ANKFY1: variants seen among roughly 807,000 people sequenced by gnomAD.
ANKFY1 encodes the protein ankyrin repeat and FYVE domain containing 1.
In ANKFY1, 47 loss-of-function variants were observed where a neutral mutation model predicts 128.3. That is an observed-to-expected ratio of 0.37 (90% CI 0.29 to 0.47). ANKFY1 has a LOEUF of 0.47. Among genes scored for constraint, ANKFY1 ranks in the 20% least tolerant of loss-of-function variants. The pLI, the probability that ANKFY1 is intolerant of heterozygous loss-of-function variation, is 1.00. For missense variants in ANKFY1, 1,222 were observed against 1,510.6 expected (o/e 0.81, Z 3.17); for synonymous variants, 553 against 601.6 (o/e 0.92, Z 1.18).
chr17:4,173,426 A>G lies in ANKFY1; in HGVS notation c.2942T>C (p.Met981Thr), dbSNP rs539967204. 7 of 1,614,190 alleles carry G rather than the reference A, an allele frequency of 4.3e-6. No individual in the cohort carries two copies. The South Asian group carries it at 6.6e-5, about 15-fold the overall frequency. ...NGNNALHLAVMHGRLNNIRVL... is the reference protein window; with the variant it reads ...NGNNALHLAVTHGRLNNIRVL... ...CCGGATGTTGTTGAGCCGGCCGTGC[A>G]TGACAGCAAGATGAAGAGCTGGGAA... The change falls in exon 21 of 25, where the codon ATG becomes ACG. Residue 981 changes from methionine to threonine, a missense_variant. Coordinates refer to ENST00000341657, the MANE Select transcript of ANKFY1 (RefSeq NM_001330063.2).
intron 3 of ANKFY1, among the ~76,000 whole-genome samples, chr17:4,221,603 C>A (rs918838083): frequency 6.6e-6 from 1 of 152,094 alleles, no homozygotes; most frequent in Non-Finnish European, 1.5e-5. Context: ...TAATTAAATT[C>A]TCTGAGTTTC....
chr17:4,172,652 G>C lies in ANKFY1; in HGVS notation c.3043C>G (p.Gln1015Glu). The C allele has an allele frequency of 6.2e-7, 1 of 1,614,090 alleles. No homozygotes were observed. The highest frequency in any genetic ancestry group is 8.5e-7 in the Non-Finnish European group (1 of 1,179,994). The change falls in exon 22 of 25, where the codon CAA becomes GAA. Residue 1015 changes from glutamine to glutamate, a missense_variant. Gln to Glu is a conservative substitution (Grantham distance 29). Transcript: ENST00000341657. ...GCCGCTGCATTCTCCTTGCCATATT[G>C]TCCCAAAATGTGCAGTGGTGACTGG... The part of the protein sequence containing the change: ...RGQSPLHILG[Q>E]YGKENAAAIF...
intron 1 of ANKFY1, among the ~76,000 whole-genome samples, chr17:4,254,303 CAAAAAAAAAAAAAA>C (rs572606909): frequency 9.8e-5 from 8 of 81,906 alleles, no homozygotes; most frequent in African/African-American, 3.3e-4. Context: ...GACTCCATCT[CAAAAAAAAAAAAAA>C]AAAAAAAAAA....
chr17:4,233,596 T>C (rs1439579203), intron 3 of ANKFY1, among the ~76,000 whole-genome samples: 1 of 152,232 alleles, frequency 6.6e-6, no homozygotes. Flanking sequence ...AACACTGATA[T>C]ATGTTCCCCT....
chr17:4,214,071 C>T (rs1810277228), intron 4 of ANKFY1, among the ~76,000 whole-genome samples: 1 of 152,240 alleles, frequency 6.6e-6, no homozygotes, highest in Non-Finnish European at 1.5e-5. Context: ...GCCTTCCTAA[C>T]ATCCTAACAC....
intron 1 of ANKFY1, among the ~76,000 whole-genome samples, chr17:4,243,931 A>C (rs910493331): frequency 7.4e-6 from 1 of 134,512 alleles, no homozygotes; most frequent in African/African-American, 2.7e-5. Flanking sequence ...AAAGATAAAC[A>C]ATTTTTTTTT....
chr17:4,169,886 T>C lies in ANKFY1; in HGVS notation c.3287-598A>G, dbSNP rs1049523431. Among the ~76,000 whole-genome samples the C allele has an allele frequency of 3.3e-5, 5 of 152,242 alleles. No individual in the cohort carries two copies. The highest frequency in any genetic ancestry group is 7.2e-5 in the African/African-American group (3 of 41,456). ...GGATTTACTGGCTGAACTCTCACTC[T>C]ATCCCAGGCACTGTCTGACTGCTCT... is the stretch of plus-strand genomic sequence containing the variant. On this transcript the variant is annotated intron_variant, in intron 23 of 24. Coordinates refer to ENST00000341657, the MANE Select transcript of ANKFY1 (RefSeq NM_001330063.2). The surrounding 1 kb of genome is among the most constrained non-coding windows in gnomAD (Gnocchi z 5.0).
chr17:4,238,757 C>T (rs1442772034), intron 2 of ANKFY1, among the ~76,000 whole-genome samples: 1 of 151,860 alleles, frequency 6.6e-6, no homozygotes, highest in Non-Finnish European at 1.5e-5. Context: ...TGAGCCACCA[C>T]ACCCAGCCTT....
chr17:4,167,775 C>T lies in ANKFY1; in HGVS notation c.*4G>A, dbSNP rs1282173758. 6.2e-7 allele frequency: 1 copy of T among 1,612,164 alleles called. No individual in the cohort carries two copies. The highest frequency in any genetic ancestry group is 8.5e-7 in the Non-Finnish European group (1 of 1,178,854). ...GACGTGGCCTGGACCCTCCGGGGGG[C>T]TCACTAAGAAACCCCACCCAGAGTC... On this transcript the variant is annotated 3_prime_UTR_variant, in exon 25 of 25. Coordinates refer to ENST00000341657, the MANE Select transcript of ANKFY1 (RefSeq NM_001330063.2). This position sits in a 1 kb window ranked among gnomAD's most constrained non-coding sequence, Gnocchi z 4.1.
At chr17:4,184,116 AGC>A (rs1598029256) in intron 12 of ANKFY1, among the ~76,000 whole-genome samples, 2 of 152,330 alleles carry the variant, frequency 1.3e-5, no homozygotes, top group East Asian at 3.9e-4. Flanking sequence ...ATCTTTTTAA[AGC>A]TTAAAACACT....
At chr17:4,211,518 T>C (rs941734808) in intron 4 of ANKFY1, among the ~76,000 whole-genome samples, 1 of 151,680 alleles carries the variant, frequency 6.6e-6, no homozygotes, top group South Asian at 2.1e-4. Flanking sequence ...CTGGCTACAA[T>C]GGATGTCCTC....
chr17:4,246,231 T>C (rs1967533213), intron 1 of ANKFY1, among the ~76,000 whole-genome samples: 1 of 152,174 alleles, frequency 6.6e-6, no homozygotes. Context: ...GTATCTTACT[T>C]CAAAAGATTT....
At chr17:4,241,038 C>G (rs555870133) in intron 2 of ANKFY1, among the ~76,000 whole-genome samples, 1 of 152,268 alleles carries the variant, frequency 6.6e-6, no homozygotes, top group Admixed American at 6.5e-5. Context: ...GCCGCTATAA[C>G]CAGTGAAAAC....
chr17:4,238,694 G>C lies in ANKFY1; in HGVS notation c.204-2804C>G, dbSNP rs190698425. Among the ~76,000 whole-genome samples, 7 of 151,530 alleles carry C rather than the reference G, an allele frequency of 4.6e-5. No individual in the cohort carries two copies. The East Asian group carries it at 1.2e-3, about 25-fold the overall frequency. On this transcript the variant is annotated intron_variant, in intron 2 of 24. Coordinates refer to ENST00000341657, the MANE Select transcript of ANKFY1 (RefSeq NM_001330063.2). ...TCACCGTGTTGGTCAGGCTAGTCTCGAACTCCTGATCCGCCCAACTCAACC... is the reference window on the plus strand; with the variant it reads ...TCACCGTGTTGGTCAGGCTAGTCTCCAACTCCTGATCCGCCCAACTCAACC...
At chr17:4,213,305 T>C (rs754906392) in intron 4 of ANKFY1, among the ~76,000 whole-genome samples, 78 of 151,748 alleles carry the variant, frequency 5.1e-4, no homozygotes, top group Non-Finnish European at 7.9e-4. Context: ...TTCTCCTGCC[T>C]CAGCCTCCAG....
At chr17:4,219,585 C>T (rs958509737) in intron 3 of ANKFY1, among the ~76,000 whole-genome samples, 12 of 152,114 alleles carry the variant, frequency 7.9e-5, no homozygotes, top group African/African-American at 2.9e-4. Context: ...TCTGATTACT[C>T]TCCTTTCCAA....
chr17:4,182,934 C>T (rs1212659440), intron 14 of ANKFY1, among the ~76,000 whole-genome samples: 7 of 151,998 alleles, frequency 4.6e-5, no homozygotes, highest in African/African-American at 1.2e-4. Flanking sequence ...GGTGAAACCC[C>T]GTCTCTACTA....
At chr17:4,171,348 G>T (rs996845870) in intron 22 of ANKFY1, among the ~76,000 whole-genome samples, 1 of 152,180 alleles carries the variant, frequency 6.6e-6, no homozygotes, top group Non-Finnish European at 1.5e-5. Context: ...CTTCCACCCC[G>T]TGGAGCCCGT....
chr17:4,196,903 T>C (rs1460197736), intron 8 of ANKFY1, among the ~76,000 whole-genome samples: 1 of 152,172 alleles, frequency 6.6e-6, no homozygotes, highest in Non-Finnish European at 1.5e-5. Flanking sequence ...GCAGATTGCT[T>C]GAGCTCAGGA....
Sources: allele counts gnomAD v4.1 joint callset (sites outside exome capture counted in the v4.1 genomes callset), GRCh38; gene constraint gnomAD v4.1.1; non-coding constraint Gnocchi (gnomAD v3.1); transcripts MANE v1.5; gene names NCBI Gene and HGNC (gene_info 2026-07-23, HGNC 2026-07-21).